Variants in ATP2B2 observed in about 807,000 individuals in gnomAD.
ATP2B2 encodes the protein ATPase plasma membrane Ca2+ transporting 2, also known as plasma membrane calcium-transporting ATPase 2.
ATP2B2 carries 15 observed loss-of-function variants against 120.0 expected under a neutral mutation model. That is an observed-to-expected ratio of 0.12 (90% CI 0.08 to 0.19). ATP2B2 has a LOEUF of 0.19. ATP2B2 is among the 10% of genes least tolerant of loss of function. ATP2B2 has a pLI of 1.00. For missense variants in ATP2B2, 1,045 were observed against 1,719.8 expected (o/e 0.61, Z 6.94); for synonymous variants, 694 against 700.3 (o/e 0.99, Z 0.14).
chr3:10,543,899 C>T (rs370936188), intron 2 of ATP2B2, among the ~76,000 whole-genome samples: 5 of 152,016 alleles, frequency 3.3e-5, no homozygotes, highest in Admixed American at 2.0e-4. Flanking sequence ...TCATCATGCC[C>T]GTCTAATTTT....
intron 6 of ATP2B2, 125 bp downstream of exon 6, chr3:10,388,152 G>C: frequency 1.4e-6 from 2 of 1,404,998 alleles, no homozygotes; most frequent in Admixed American, 3.4e-5. Context: ...TGCAGGAGGT[G>C]GCTGTCAGCA....
chr3:10,650,930 T>C (rs748184855), intron 1 of ATP2B2, among the ~76,000 whole-genome samples: 9 of 152,140 alleles, frequency 5.9e-5, no homozygotes, highest in Non-Finnish European at 1.2e-4. Flanking sequence ...GTCAAAGGAG[T>C]TCATTTTTAA....
At chr3:10,414,050 C>T (rs2062701407) in intron 2 of ATP2B2, among the ~76,000 whole-genome samples, 1 of 152,172 alleles carries the variant, frequency 6.6e-6, no homozygotes, top group Non-Finnish European at 1.5e-5. Context: ...TCCTGAGAAT[C>T]CCAGGGGATC....
At chr3:10,592,715 C>T (rs913897207) in intron 2 of ATP2B2, among the ~76,000 whole-genome samples, 3 of 152,238 alleles carry the variant, frequency 2.0e-5, no homozygotes, top group Admixed American at 6.5e-5. Flanking sequence ...AACCCAAACA[C>T]AAGTTAGTTT....
At chr3:10,663,379 G>A (rs768063899) in intron 1 of ATP2B2, among the ~76,000 whole-genome samples, 16 of 152,076 alleles carry the variant, frequency 1.1e-4, no homozygotes, top group Non-Finnish European at 2.4e-4. Flanking sequence ...CACCAGCCAG[G>A]GACAGGGGAA....
intron 14 of ATP2B2, among the ~76,000 whole-genome samples, chr3:10,356,595 T>C (rs1199815322): frequency 4.6e-5 from 7 of 152,284 alleles, no homozygotes; most frequent in African/African-American, 1.4e-4. Context: ...CTAAGGGATG[T>C]TTCCAAGGCA....
intron 3 of ATP2B2, among the ~76,000 whole-genome samples, chr3:10,510,688 TGA>T (rs1188488288): frequency 3.3e-5 from 5 of 152,184 alleles, no homozygotes; most frequent in Non-Finnish European, 5.9e-5. Flanking sequence ...GTGGAAACAA[TGA>T]GGGATCTGGT....
chr3:10,502,229 C>A (rs1416765701), intron 1 of ATP2B2, among the ~76,000 whole-genome samples: 1 of 152,230 alleles, frequency 6.6e-6, no homozygotes, highest in Non-Finnish European at 1.5e-5. Flanking sequence ...TGCTCCGGCT[C>A]CTGATCCTGA....
chr3:10,602,144 T>C (rs1190199379), intron 2 of ATP2B2, among the ~76,000 whole-genome samples: 8 of 151,314 alleles, frequency 5.3e-5, no homozygotes, highest in African/African-American at 1.7e-4. Context: ...CTTCCTGCCC[T>C]GGCCTCTGCC....
intron 3 of ATP2B2, 109 bp downstream of exon 3, chr3:10,410,509 T>C (rs2062572025): frequency 1.4e-6 from 2 of 1,391,128 alleles, no homozygotes; most frequent in South Asian, 2.8e-5. Context: ...TGGACCTCGG[T>C]TTCTTCCCCT....
chr3:10,373,366 A>G (rs2061295732), intron 11 of ATP2B2, among the ~76,000 whole-genome samples: 1 of 152,204 alleles, frequency 6.6e-6, no homozygotes. Context: ...ATTGGGCCTC[A>G]GCCCACCTGT....
Position 10,340,779 on chromosome 3 carries a change from G to A in ATP2B2, c.2918-75C>T. The A allele has an allele frequency of 3.4e-6, 5 of 1,460,772 alleles. No individual in the cohort carries two copies. Among genetic ancestry groups the A allele is most frequent in the Non-Finnish European group, 4.8e-6 (5 of 1,045,024 alleles). 90.5% of individuals were successfully genotyped at this position (1,460,772 alleles called of 1,614,324 possible). A position where few individuals can be genotyped will look rare whatever the true frequency, so the allele number is the denominator to read the frequency against. On this transcript the variant is annotated intron_variant, in intron 19 of 22. Transcript: ENST00000360273. This position sits in a 1 kb window ranked among gnomAD's most constrained non-coding sequence, Gnocchi z 5.0. Reference sequence around the variant, plus strand: ...AGAGGGGAGATGCCTGGCCTTTCGTGGGGGCCTCTTCTGAGCAGTGACGTG... The same window carrying A: ...AGAGGGGAGATGCCTGGCCTTTCGTAGGGGCCTCTTCTGAGCAGTGACGTG...
intron 2 of ATP2B2, among the ~76,000 whole-genome samples, chr3:10,555,602 G>C (rs2067761255): frequency 6.6e-6 from 1 of 152,172 alleles, no homozygotes; most frequent in Non-Finnish European, 1.5e-5. Context: ...CACATCTCTG[G>C]CCCTGACAGA....
intron 1 of ATP2B2, among the ~76,000 whole-genome samples, chr3:10,664,046 A>T (rs1281187622): frequency 1.3e-5 from 2 of 151,924 alleles, no homozygotes; most frequent in Admixed American, 6.6e-5. Flanking sequence ...GCTCATGTCC[A>T]CCCCAGAATC....
At chr3:10,644,921 TATC>T (rs1319158923) in intron 1 of ATP2B2, among the ~76,000 whole-genome samples, 1 of 152,256 alleles carries the variant, frequency 6.6e-6, no homozygotes, top group African/African-American at 2.4e-5. Context: ...AACAAAAAAG[TATC>T]ATATCATATC....
chr3:10,703,231 A>C (rs1456826332), intron 1 of ATP2B2, among the ~76,000 whole-genome samples: 1 of 152,104 alleles, frequency 6.6e-6, no homozygotes, highest in East Asian at 1.9e-4. Flanking sequence ...GGGAAGAGGG[A>C]TGGGCTACAA....
chr3:10,516,114 G>A (rs150260120), intron 3 of ATP2B2, among the ~76,000 whole-genome samples: 1 of 152,332 alleles, frequency 6.6e-6, no homozygotes, highest in East Asian at 1.9e-4. Flanking sequence ...AGCTGGTTGT[G>A]AAACACTTAC....
intron 1 of ATP2B2, among the ~76,000 whole-genome samples, chr3:10,479,218 C>G (rs1465110235): frequency 6.6e-6 from 1 of 152,024 alleles, no homozygotes; most frequent in Non-Finnish European, 1.5e-5. Context: ...CTCCTGCCCA[C>G]TTTGCTTTTG....
chr3:10,536,506 C>A lies in ATP2B2; in HGVS notation c.-414-2373G>T, dbSNP rs2067321487. The stretch of plus-strand genomic sequence containing the variant: ...TCCTCTTTCTCCTTCTCCTTCTTTT[C>A]CTCCTCCTCCTCCTTTCTTCTTTCT... On this transcript the variant is annotated intron_variant, in intron 2 of 21. Transcript: ENST00000646379. Among the ~76,000 whole-genome samples, 4 of 137,194 alleles carry A rather than the reference C, an allele frequency of 2.9e-5. No individual in the cohort carries two copies. In the South Asian group the frequency reaches 8.9e-4, roughly 31 times the overall value. The allele number at this position is 137,194 out of a possible 152,430, so 90.0% of individuals were successfully genotyped here. A position where few individuals can be genotyped will look rare whatever the true frequency, so the allele number is the denominator to read the frequency against.
Sources: allele counts gnomAD v4.1 joint callset (sites outside exome capture counted in the v4.1 genomes callset), GRCh38; gene constraint gnomAD v4.1.1; non-coding constraint Gnocchi (gnomAD v3.1); transcripts MANE v1.5; gene names NCBI Gene and HGNC (gene_info 2026-07-23, HGNC 2026-07-21).